TBC1D21: variants seen among roughly 807,000 people sequenced by gnomAD.
TBC1D21 encodes male germ cell Rab GTPase-activating protein.
In TBC1D21, 38 loss-of-function variants were observed where a neutral mutation model predicts 46.0. The observed-to-expected ratio is 0.83, with a 90% confidence interval of 0.64 to 1.08. TBC1D21 has a LOEUF of 1.08. Ranked by LOEUF, TBC1D21 falls within the 50% of genes least tolerant of loss-of-function variation. The pLI is 0.00. For missense variants in TBC1D21, 415 were observed against 417.9 expected, an observed-to-expected ratio of 0.99 and a Z score of 0.06; for synonymous variants, 151 against 157.2, an observed-to-expected ratio of 0.96 and a Z score of 0.29.
the TBC1D21 span, among the ~76,000 whole-genome samples, chr15:73,896,476 G>A: frequency 6.6e-6 from 1 of 152,050 alleles, no homozygotes; most frequent in Admixed American, 6.6e-5. Flanking sequence ...ACCAGTATGA[G>A]ATGAGGGTAA....
At position 73,881,688 on chromosome 15, in the gene TBC1D21, G is replaced by A. The variant is rs770849847; in HGVS notation, c.213G>A (p.Thr71=). The A allele has an allele frequency of 1.2e-6, 2 of 1,610,612 alleles. No individual in the cohort carries two copies. Among genetic ancestry groups the A allele is most frequent in the Non-Finnish European group, 1.7e-6 (2 of 1,178,502 alleles). Residue 71 remains threonine, a synonymous_variant, in exon 3 of 11, where the codon ACG becomes ACA. Transcript: ENST00000300504. ...GGACTGAAGCCTGGAAATTCCTCAC[G>A]GGCTACTTCTCATGGCAGAGTTCCC... ...FVRTEAWKFL[T]GYFSWQSSQD... is the part of the protein sequence containing the mutation.
chr15:73,905,912 G>C, the TBC1D21 span, among the ~76,000 whole-genome samples: 1 of 142,216 alleles, frequency 7.0e-6, no homozygotes, highest in African/African-American at 3.1e-5. Context: ...AGGGATCATT[G>C]TGCCTCCCCA....
At chr15:73,881,559 G>A in intron 2 of TBC1D21, 53 bp downstream of exon 2, 1 of 1,600,722 alleles carries the variant, frequency 6.2e-7, no homozygotes, top group Non-Finnish European at 8.6e-7. Context: ...GCATGGATGG[G>A]CAGGGGGCAG....
chr15:73,877,375 C>A lies in TBC1D21; in HGVS notation c.60+3606C>A, dbSNP rs1296220211. On this transcript the variant is annotated intron_variant, in intron 1 of 10. Coordinates refer to ENST00000300504, the MANE Select transcript of TBC1D21 (RefSeq NM_153356.3). Reference sequence around the variant, plus strand: ...ATAAAGCAATTTCTTTTGACTCCATCCTAATATCTAATAAAGAAATAGAAT... The same window carrying A: ...ATAAAGCAATTTCTTTTGACTCCATACTAATATCTAATAAAGAAATAGAAT... Among the ~76,000 whole-genome samples the A allele has an allele frequency of 4.0e-5, 6 of 151,610 alleles. No individual in the cohort carries two copies. The East Asian group carries it at 9.6e-4, about 24-fold the overall frequency.
At position 73,886,591 on chromosome 15, in the gene TBC1D21, T is replaced by C. The variant is rs778596939; in HGVS notation, c.756T>C (p.Asp252=). ...TCCAGCGTGCCTTCAAGTCCTTCGA[T>C]GATGTCTGGAGGCTCTGGGAGGTGA... ...FCFQRAFKSF[D]DVWRLWEVLL... The change falls in exon 8 of 11, where the codon GAT becomes GAC. Residue 252 remains aspartate (D), a synonymous_variant. Coordinates refer to ENST00000300504, the MANE Select transcript of TBC1D21 (RefSeq NM_153356.3). 7 of 1,613,574 alleles carry C rather than the reference T, an allele frequency of 4.3e-6. No individual in the cohort carries two copies. The highest frequency in any genetic ancestry group is 5.1e-6 in the Non-Finnish European group (6 of 1,180,020).
At chr15:73,884,977 C>T (rs746116895) in intron 5 of TBC1D21, 26 bp from the exon 6 acceptor site, 4 of 1,570,086 alleles carry the variant, frequency 2.5e-6, no homozygotes, top group Non-Finnish European at 3.5e-6. Flanking sequence ...CCCAGCCCCT[C>T]CTCCCCAACC....
In TBC1D21 at chr15:73,884,971, GCCCCTCCTCCCCAA is replaced by G; in HGVS notation, c.479-27_479-14del. 1 of 1,023,326 alleles carries G rather than the reference GCCCCTCCTCCCCAA, an allele frequency of 9.8e-7. No homozygotes were observed. The highest frequency in any genetic ancestry group is 1.5e-6 in the Non-Finnish European group (1 of 683,004). 63.4% of individuals were successfully genotyped at this position (1,023,326 alleles called of 1,614,324 possible). ...CCAAGGGTCCAGGCTCTCCCACCCAGCCCCTCCTCCCCAACCCCCTCTTCGCCACAGAGTACCAG... is the reference window on the plus strand; with the variant it reads ...CCAAGGGTCCAGGCTCTCCCACCCAGCCCCCTCTTCGCCACAGAGTACCAG... On this transcript the variant is annotated intron_variant, in intron 5 of 10. Transcript: ENST00000300504.
downstream of TBC1D21, among the ~76,000 whole-genome samples, chr15:73,890,318 AT>A (rs1361141252): frequency 1.3e-5 from 2 of 152,140 alleles, no homozygotes; most frequent in African/African-American, 4.8e-5. Flanking sequence ...TAGCTGCTGT[AT>A]CTTTGCTGGA....
At chr15:73,888,865 G>A (rs1267437344) in intron 10 of TBC1D21, among the ~76,000 whole-genome samples, 2 of 152,140 alleles carry the variant, frequency 1.3e-5, no homozygotes, top group Non-Finnish European at 2.9e-5. Flanking sequence ...GCTCCTCATG[G>A]TCTTCTCGTT....
the TBC1D21 span, among the ~76,000 whole-genome samples, chr15:73,895,258 G>C: frequency 6.6e-6 from 1 of 152,134 alleles, no homozygotes; most frequent in South Asian, 2.1e-4. Context: ...CACTTAGAGG[G>C]AGTTCAAGGA....
chr15:73,904,892 A>T, the TBC1D21 span, among the ~76,000 whole-genome samples: 1 of 152,282 alleles, frequency 6.6e-6, no homozygotes, highest in Non-Finnish European at 1.5e-5. Flanking sequence ...AGAGTGAGAC[A>T]GCAAATAGAG....
intron 1 of TBC1D21, among the ~76,000 whole-genome samples, chr15:73,875,317 G>GAAGA (rs1255945804): frequency 1.5e-5 from 2 of 129,700 alleles, no homozygotes; most frequent in Non-Finnish European, 3.2e-5. Flanking sequence ...AGAAGGGAAG[G>GAAGA]AAGGAAGGGA....
At chr15:73,896,643 T>C in the TBC1D21 span, among the ~76,000 whole-genome samples, 20 of 152,134 alleles carry the variant, frequency 1.3e-4, no homozygotes, top group Non-Finnish European at 2.9e-4. Context: ...CAAGGTCTGT[T>C]GTGTTGGGGA....
At chr15:73,888,801 C>A (rs1349132929) in intron 10 of TBC1D21, among the ~76,000 whole-genome samples, 2 of 152,126 alleles carry the variant, frequency 1.3e-5, no homozygotes, top group African/African-American at 4.8e-5. Flanking sequence ...CAGGTGCATT[C>A]AACTTCAGAG....
chr15:73,880,838 G>C (rs557439171), intron 1 of TBC1D21, among the ~76,000 whole-genome samples: 4 of 152,272 alleles, frequency 2.6e-5, no homozygotes, highest in East Asian at 3.9e-4. Context: ...AATCACTGCT[G>C]TTTTTAGTGG....
chr15:73,886,111 A>G lies in TBC1D21; in HGVS notation c.613A>G (p.Lys205Glu). Residue 205 changes from lysine to glutamate, a missense_variant, in exon 7 of 11, where the codon AAG becomes GAG. Lys to Glu is a moderately conservative substitution (Grantham distance 56). Transcript: ENST00000300504. ...HSCVINIGVA[K>E]NLDMLSTLIT... ...CTGTGTCATCAACATTGGCGTGGCC[A>G]AGAACCTAGACATGCTCAGCACCCT... 6.2e-7 allele frequency: 1 copy of G among 1,614,176 alleles called. No homozygotes were observed. The highest frequency in any genetic ancestry group is 8.5e-7 in the Non-Finnish European group (1 of 1,180,030).
At chr15:73,883,512 G>A (rs1276387247) in intron 3 of TBC1D21, among the ~76,000 whole-genome samples, 1 of 152,198 alleles carries the variant, frequency 6.6e-6, no homozygotes, top group Non-Finnish European at 1.5e-5. Context: ...TCCCCATGGT[G>A]GTGAGACCTT....
At chr15:73,887,852 C>G in intron 9 of TBC1D21, 116 bp downstream of exon 9, 1 of 802,520 alleles carries the variant, frequency 1.2e-6, no homozygotes, top group South Asian at 1.6e-5. Flanking sequence ...CCACCTTTTC[C>G]CCCCAGACAG....
the TBC1D21 span, chr15:73,909,881 T>C: frequency 6.6e-6 from 1 of 152,236 alleles, no homozygotes; most frequent in African/African-American, 2.4e-5. Flanking sequence ...AAGAACCTGG[T>C]GGGGCTGCTG....
Sources: gnomAD v4.1 joint callset for allele counts (sites outside exome capture counted in the v4.1 genomes callset) on GRCh38, gnomAD v4.1.1 for gene constraint, MANE v1.5 for transcripts, NCBI Gene and HGNC (gene_info 2026-07-23, HGNC 2026-07-21) for gene names.